SUMF1: variants seen among roughly 807,000 people sequenced by gnomAD.
The protein encoded by SUMF1 is formylglycine-generating enzyme.
SUMF1 carries 48 observed loss-of-function variants against 47.6 expected under a neutral mutation model. The observed-to-expected ratio is 1.01, with a 90% confidence interval of 0.80 to 1.28. SUMF1 has a LOEUF of 1.28. Ranked by LOEUF, SUMF1 falls within the 50% of genes most tolerant of loss-of-function variation. The pLI, the probability that SUMF1 is intolerant of heterozygous loss-of-function variation, is 0.00. For synonymous variants in SUMF1, 230 were observed against 192.1 expected (o/e 1.20, Z -1.63); for missense variants, 571 against 485.4 (o/e 1.18, Z -1.66).
At chr3:4,345,625 AC>A (rs1699358571) in intron 8 of SUMF1, among the ~76,000 whole-genome samples, 1 of 152,222 alleles carries the variant, frequency 6.6e-6, no homozygotes, top group African/African-American at 2.4e-5. Flanking sequence ...AACTGCATCA[AC>A]TAGTGCACAA....
intron 8 of SUMF1, among the ~76,000 whole-genome samples, chr3:4,164,863 G>T (rs1233404528): frequency 6.6e-6 from 1 of 152,062 alleles, no homozygotes; most frequent in Admixed American, 6.5e-5. Flanking sequence ...AGGTGACAGG[G>T]GAGTATATTT....
chr3:4,265,484 T>A (rs1697173577), intron 8 of SUMF1, among the ~76,000 whole-genome samples: 2 of 152,184 alleles, frequency 1.3e-5, no homozygotes, highest in African/African-American at 2.4e-5. Context: ...CACATTATTA[T>A]TTAAATTCTC....
At chr3:4,283,548 C>T (rs776950902) in intron 8 of SUMF1, among the ~76,000 whole-genome samples, 5 of 152,140 alleles carry the variant, frequency 3.3e-5, no homozygotes, top group Admixed American at 3.3e-4. Flanking sequence ...ACCTAAGTAA[C>T]GAATACCTTT....
chr3:4,321,942 T>C (rs1012441624), intron 8 of SUMF1, among the ~76,000 whole-genome samples: 2 of 152,158 alleles, frequency 1.3e-5, no homozygotes, highest in African/African-American at 2.4e-5. Context: ...ATGTTGGTAG[T>C]ATATGCCATT....
In SUMF1 at chr3:4,209,250, T is replaced by C. The variant is rs1384129970; in HGVS notation, c.1015-140505A>G. 4.6e-5 allele frequency among the ~76,000 whole-genome samples: 7 copies of C among 152,146 alleles called. 1 individual carries two copies. Among genetic ancestry groups the C allele is most frequent in the Non-Finnish European group, 1.0e-4 (7 of 67,990 alleles). Reference sequence around the variant, plus strand: ...TATGTATAAATTTTACACTCTACTATAAAGATTTTTAAAATCCTACATACA... The same window carrying C: ...TATGTATAAATTTTACACTCTACTACAAAGATTTTTAAAATCCTACATACA... On this transcript the variant is annotated intron_variant and NMD_transcript_variant, in intron 8 of 12. Coordinates refer to the SUMF1 transcript ENST00000448413.
At chr3:4,462,892 TTC>T (rs2079850483) in intron 1 of SUMF1, among the ~76,000 whole-genome samples, 1 of 152,218 alleles carries the variant, frequency 6.6e-6, no homozygotes, top group African/African-American at 2.4e-5. Context: ...TTTCTTGCAG[TTC>T]TGAGCTATAT....
chr3:4,399,809 G>A (rs1194445497), intron 7 of SUMF1, among the ~76,000 whole-genome samples: 1 of 152,168 alleles, frequency 6.6e-6, no homozygotes, highest in African/African-American at 2.4e-5. Context: ...CTAGCCTGAA[G>A]TGCAGTAGCG....
At chr3:4,419,260 T>C (rs1254335369) in intron 4 of SUMF1, among the ~76,000 whole-genome samples, 3 of 152,320 alleles carry the variant, frequency 2.0e-5, no homozygotes, top group Middle Eastern at 3.4e-3. Context: ...CGAAGCCTAA[T>C]TGCAGCACAG....
intron 9 of SUMF1, among the ~76,000 whole-genome samples, chr3:4,044,309 G>A (rs1340921916): frequency 1.3e-5 from 2 of 152,024 alleles, no homozygotes; most frequent in Non-Finnish European, 2.9e-5. Context: ...GGCCCAAGAA[G>A]CCAGCATCTC....
At chr3:4,116,691 CTT>C (rs746699376) in intron 8 of SUMF1, among the ~76,000 whole-genome samples, 4 of 152,112 alleles carry the variant, frequency 2.6e-5, no homozygotes, top group African/African-American at 4.8e-5. Context: ...CTCAGAGACT[CTT>C]TGGTCTGTAC....
intron 8 of SUMF1, among the ~76,000 whole-genome samples, chr3:4,161,085 A>G (rs1694565523): frequency 6.6e-6 from 1 of 152,210 alleles, no homozygotes; most frequent in Non-Finnish European, 1.5e-5. Context: ...TCATAGAGAT[A>G]CCACCTTGAT....
rs1449061699 is a variant in SUMF1, at chr3:4,465,639, G to C, written c.270+1337C>G. On this transcript the variant is annotated intron_variant, in intron 1 of 8. Coordinates refer to ENST00000272902, the MANE Select transcript of SUMF1 (RefSeq NM_182760.4). ...CAGTACTGCAGGACATGCTCTAAGGGTAACAGGAAAAAAAGTAAAGGCCAA... is the reference window on the plus strand; with the variant it reads ...CAGTACTGCAGGACATGCTCTAAGGCTAACAGGAAAAAAAGTAAAGGCCAA... Among the ~76,000 whole-genome samples, 2 of 151,960 alleles carry C rather than the reference G, an allele frequency of 1.3e-5. 1 individual carries two copies. Among genetic ancestry groups the C allele is most frequent in the African/African-American group, 4.8e-5 (2 of 41,348 alleles).
intron 9 of SUMF1, among the ~76,000 whole-genome samples, chr3:4,047,239 T>G (rs562093594): frequency 6.6e-6 from 1 of 152,272 alleles, no homozygotes; most frequent in South Asian, 2.1e-4. Context: ...GTTTTACTTT[T>G]GGAATTATTT....
chr3:4,429,419 C>T (rs369165628), intron 3 of SUMF1, among the ~76,000 whole-genome samples: 1 of 152,182 alleles, frequency 6.6e-6, no homozygotes, highest in Admixed American at 6.5e-5. Context: ...CATCTGATTG[C>T]TTCTATGTTA....
chr3:4,300,319 C>G (rs1697937072), intron 8 of SUMF1, among the ~76,000 whole-genome samples: 1 of 152,166 alleles, frequency 6.6e-6, no homozygotes, highest in Non-Finnish European at 1.5e-5. Context: ...CGAACAAATG[C>G]CAGCACCATA....
intron 8 of SUMF1, among the ~76,000 whole-genome samples, chr3:4,127,810 T>C (rs1427308141): frequency 6.6e-6 from 1 of 151,952 alleles, no homozygotes; most frequent in Non-Finnish European, 1.5e-5. Flanking sequence ...GGTTTTGGGG[T>C]TTCTGGAGTT....
chr3:4,101,253 C>T (rs188315853), intron 8 of SUMF1, among the ~76,000 whole-genome samples: 33 of 152,146 alleles, frequency 2.2e-4, no homozygotes, highest in African/African-American at 6.5e-4. Context: ...TGTCCATCAA[C>T]GGATAAATGC....
intron 8 of SUMF1, among the ~76,000 whole-genome samples, chr3:4,163,575 G>A (rs1160189202): frequency 1.3e-5 from 2 of 150,122 alleles, no homozygotes; most frequent in Non-Finnish European, 3.0e-5. Context: ...ACTGTCCTTG[G>A]ACCCACTTTC....
At chr3:4,415,548 C>T (rs1457063552) in intron 6 of SUMF1, among the ~76,000 whole-genome samples, 3 of 152,176 alleles carry the variant, frequency 2.0e-5, no homozygotes, top group Non-Finnish European at 1.5e-5. Context: ...TGCGGTGGCT[C>T]ATGCCTATAA....
Sources: gnomAD v4.1 joint callset for allele counts (sites outside exome capture counted in the v4.1 genomes callset) on GRCh38, gnomAD v4.1.1 for gene constraint, MANE v1.5 for transcripts, NCBI Gene and HGNC (gene_info 2026-07-23, HGNC 2026-07-21) for gene names.